Variants in ADAMTSL2 observed in about 807,000 individuals in gnomAD.
ADAMTSL2 encodes ADAMTS like 2, also known as ADAMTS-like protein 2.
A neutral mutation model predicts 117.0 loss-of-function variants in ADAMTSL2; 55 were observed. The observed-to-expected ratio is 0.47, with a 90% CI of 0.38 to 0.59. ADAMTSL2 has a LOEUF of 0.59. Ranked by LOEUF, ADAMTSL2 falls within the 20% of genes least tolerant of loss-of-function variation. The pLI is 0.00. For missense variants in ADAMTSL2, 1,182 were observed against 1,354.5 expected (o/e 0.87, Z 2.00); for synonymous variants, 572 against 566.4 (o/e 1.01, Z -0.14).
At chr9:133,565,029 C>T (rs1431942601) in intron 12 of ADAMTSL2, among the ~76,000 whole-genome samples, 5 of 152,072 alleles carry the variant, frequency 3.3e-5, no homozygotes, top group Non-Finnish European at 5.9e-5. Flanking sequence ...AACAGAGGAG[C>T]GTGAGTTTGG....
intron 9 of ADAMTSL2, among the ~76,000 whole-genome samples, chr9:133,553,356 C>T (rs902397516): frequency 1.3e-5 from 2 of 152,208 alleles, no homozygotes; most frequent in Admixed American, 1.3e-4. Context: ...CTGCCTCTCC[C>T]GCCTTCCAGC....
chr9:133,540,771 G>C, intron 6 of ADAMTSL2, 28 bp downstream of exon 6: 1 of 1,613,560 alleles, frequency 6.2e-7, no homozygotes, highest in South Asian at 1.1e-5. Flanking sequence ...CAAAAGTACC[G>C]CCGGTCTCAC....
chr9:133,555,659 G>C lies in ADAMTSL2; in HGVS notation c.1378G>C (p.Asp460His). 1 of 1,613,774 alleles carries C rather than the reference G, an allele frequency of 6.2e-7. No homozygotes were observed. The highest frequency in any genetic ancestry group is 8.5e-7 in the Non-Finnish European group (1 of 1,180,036). ...QEFFSANAIS[D>H]QLLGAGSDLK... is the part of the protein sequence containing the mutation. ...GTTCTTCTCGGCTAACGCCATCTCT[G>C]ACCAGCTGCTGGGCGCAGGCTCTGA... Residue 460 changes from aspartate (D) to histidine (H), a missense_variant, in exon 11 of 19, where the codon GAC becomes CAC. Asp to His is a moderately conservative substitution (Grantham distance 81). Transcript: ENST00000651351.
intron 12 of ADAMTSL2, among the ~76,000 whole-genome samples, chr9:133,564,583 G>A (rs1248813817): frequency 4.2e-5 from 2 of 47,822 alleles, no homozygotes; most frequent in Non-Finnish European, 3.8e-5. Context: ...GGAGAGAGAA[G>A]GAGAGAGAGA....
chr9:133,574,669 A>T (rs1027840811), intron 18 of ADAMTSL2, 77 bp from the exon 19 acceptor site: 147 of 1,283,428 alleles, frequency 1.1e-4, no homozygotes, highest in Non-Finnish European at 1.6e-4. Context: ...GGAAAACGGC[A>T]CGTGGGGGTC....
At chr9:133,536,151 T>A (rs1032304626) in intron 1 of ADAMTSL2, among the ~76,000 whole-genome samples, 10 of 152,200 alleles carry the variant, frequency 6.6e-5, no homozygotes, top group African/African-American at 2.4e-4. Context: ...GGCTGCACAT[T>A]CCCCCGGGAC....
chr9:133,540,147 T>C (rs891928589), intron 5 of ADAMTSL2, among the ~76,000 whole-genome samples: 2 of 152,182 alleles, frequency 1.3e-5, no homozygotes, highest in Non-Finnish European at 2.9e-5. Flanking sequence ...ACTTACTTAC[T>C]GGCTCCTGGG....
At position 133,544,559 on chromosome 9, in the gene ADAMTSL2, G is replaced by C. The variant is rs1324219747; in HGVS notation, c.763+9G>C. 6.2e-7 allele frequency: 1 copy of C among 1,610,450 alleles called. No individual in the cohort carries two copies. The highest frequency in any genetic ancestry group is 1.1e-5 in the South Asian group (1 of 91,014). ...GTCCGCTGACGTGCTAGGTGGGTACGCAGTGTCTGGCAGCTGCCTCACTGA... is the reference window on the plus strand; with the variant it reads ...GTCCGCTGACGTGCTAGGTGGGTACCCAGTGTCTGGCAGCTGCCTCACTGA... On this transcript the variant is annotated intron_variant, in intron 8 of 18. Coordinates refer to ENST00000651351, the MANE Select transcript of ADAMTSL2 (RefSeq NM_014694.4).
intron 17 of ADAMTSL2, among the ~76,000 whole-genome samples, chr9:133,571,260 C>CG (rs1350713360): frequency 6.6e-6 from 1 of 152,150 alleles, no homozygotes; most frequent in Non-Finnish European, 1.5e-5. Flanking sequence ...CTGGCCCACT[C>CG]GGGGTCCCAC....
intron 7 of ADAMTSL2, among the ~76,000 whole-genome samples, chr9:133,541,523 G>A (rs1242392215): frequency 1.3e-5 from 2 of 152,078 alleles, no homozygotes; most frequent in Admixed American, 6.5e-5. Context: ...TCCTGACCTC[G>A]AGCGATCCAC....
chr9:133,546,973 T>C (rs1830364182), intron 8 of ADAMTSL2, 65 bp from the exon 9 acceptor site: 1 of 1,535,220 alleles, frequency 6.5e-7, no homozygotes, highest in African/African-American at 1.4e-5. Context: ...GTTCCCTGAG[T>C]TGGTGACACT....
At chr9:133,532,860 C>T (rs1829969616), upstream of ADAMTSL2, among the ~76,000 whole-genome samples, 1 of 152,150 alleles carries the variant, frequency 6.6e-6, no homozygotes, top group Non-Finnish European at 1.5e-5. Context: ...GTCACAGAGC[C>T]AGGGGATGGC....
intron 12 of ADAMTSL2, among the ~76,000 whole-genome samples, chr9:133,563,088 G>C (rs945162050): frequency 6.6e-6 from 1 of 152,244 alleles, no homozygotes; most frequent in East Asian, 1.9e-4. Flanking sequence ...AAAGCCTTCC[G>C]AGCCACTGTT....
intron 9 of ADAMTSL2, among the ~76,000 whole-genome samples, chr9:133,547,447 A>G (rs963459868): frequency 6.6e-6 from 1 of 152,210 alleles, no homozygotes; most frequent in Non-Finnish European, 1.5e-5. Context: ...ATTTTGGTTC[A>G]TTTCCAGTCT....
chr9:133,552,874 G>T (rs1830518531), intron 9 of ADAMTSL2, among the ~76,000 whole-genome samples: 1 of 152,170 alleles, frequency 6.6e-6, no homozygotes, highest in African/African-American at 2.4e-5. Flanking sequence ...CATCCTAGTA[G>T]CCTGGTAGCA....
chr9:133,555,978 A>T, intron 11 of ADAMTSL2, 48 bp downstream of exon 11: 1 of 1,596,626 alleles, frequency 6.3e-7, no homozygotes, highest in South Asian at 1.1e-5. Flanking sequence ...AGGGGGCAGG[A>T]TGGGGCCGAG....
Position 133,539,758 on chromosome 9 carries a change from C to A in ADAMTSL2, c.310-13C>A, listed in dbSNP as rs200590292. On this transcript the variant is annotated splice_polypyrimidine_tract_variant and intron_variant, in intron 4 of 18. Coordinates refer to ENST00000651351, the MANE Select transcript of ADAMTSL2 (RefSeq NM_014694.4). ...AGTTCCTCCCGGAGCCTCCCTGTCC[C>A]TTCGCTTCCCAGGAGTGTCCGCCGG... 2.1e-5 allele frequency: 30 copies of A among 1,435,210 alleles called. No individual in the cohort carries two copies. The highest frequency in any genetic ancestry group is 2.7e-5 in the Non-Finnish European group (29 of 1,089,144). The allele number at this position is 1,435,210 out of a possible 1,614,324, so 88.9% of individuals were successfully genotyped here. A position where few individuals can be genotyped will look rare whatever the true frequency, so the allele number is the denominator to read the frequency against.
intron 11 of ADAMTSL2, 99 bp downstream of exon 11, chr9:133,556,029 G>A (rs1830598609): frequency 1.4e-6 from 2 of 1,471,536 alleles, no homozygotes; most frequent in Admixed American, 2.0e-5. Context: ...GGTCTGGCCA[G>A]AAGGGCTGAG....
intron 12 of ADAMTSL2, 37 bp downstream of exon 12, chr9:133,561,332 T>C (rs934111566): frequency 1.8e-4 from 271 of 1,531,860 alleles, no homozygotes; most frequent in South Asian, 4.6e-4. Context: ...GCAACTGCCC[T>C]GAACCCATTT....
Sources: gnomAD v4.1 joint callset for allele counts (sites outside exome capture counted in the v4.1 genomes callset) on GRCh38, gnomAD v4.1.1 for gene constraint, MANE v1.5 for transcripts, NCBI Gene and HGNC (gene_info 2026-07-23, HGNC 2026-07-21) for gene names.